The following MAGI2 variants were observed in gnomAD, a reference collection of about 807,000 sequenced individuals.
The protein encoded by MAGI2 is membrane-associated guanylate kinase, WW and PDZ domain-containing protein 2.
Under a neutral mutation model 133.3 loss-of-function variants are expected in MAGI2, and 35 were observed. The ratio of observed to expected loss-of-function variants is 0.26; its 90% CI spans 0.20 to 0.35. The LOEUF (loss-of-function observed/expected upper bound fraction) is 0.35, where lower values mean the gene tolerates loss of function less well. MAGI2 is among the 10% of genes least tolerant of loss of function. The pLI, the probability that MAGI2 is intolerant of heterozygous loss-of-function variation, is 1.00. For missense variants in MAGI2, 1,636 were observed against 1,863.4 expected, an observed-to-expected ratio of 0.88 and a Z score of 2.25; for synonymous variants, 729 against 710.6, an observed-to-expected ratio of 1.03 and a Z score of -0.41.
At chr7:78,684,766 A>G (rs978319306) in intron 2 of MAGI2, among the ~76,000 whole-genome samples, 6 of 152,136 alleles carry the variant, frequency 3.9e-5, no homozygotes, top group African/African-American at 1.4e-4. Context: ...TAAAACTTTA[A>G]AGATGTAGCT....
intron 6 of MAGI2, among the ~76,000 whole-genome samples, chr7:78,402,674 C>T (rs900202682): frequency 6.6e-6 from 1 of 152,176 alleles, no homozygotes; most frequent in Non-Finnish European, 1.5e-5. Flanking sequence ...TCTAAAAACA[C>T]AGATTAAACT....
At chr7:78,544,318 G>T (rs1204709617) in intron 3 of MAGI2, among the ~76,000 whole-genome samples, 1 of 152,234 alleles carries the variant, frequency 6.6e-6, no homozygotes, top group African/African-American at 2.4e-5. Context: ...AAGGTGGATA[G>T]TTCTAGACAG....
intron 11 of MAGI2, among the ~76,000 whole-genome samples, chr7:78,197,325 C>T (rs1479581842): frequency 6.6e-6 from 1 of 152,164 alleles, no homozygotes; most frequent in Non-Finnish European, 1.5e-5. Context: ...ATATAAGATA[C>T]TAAATACTAA....
At chr7:78,599,134 C>A (rs951148567) in intron 3 of MAGI2, among the ~76,000 whole-genome samples, 2 of 152,158 alleles carry the variant, frequency 1.3e-5, no homozygotes, top group African/African-American at 4.8e-5. Flanking sequence ...CCACTAAAAT[C>A]TGTTCAAGTA....
At chr7:78,333,935 T>C (rs537563730) in intron 9 of MAGI2, among the ~76,000 whole-genome samples, 1 of 152,262 alleles carries the variant, frequency 6.6e-6, no homozygotes, top group African/African-American at 2.4e-5. Flanking sequence ...TAGGCAGCAA[T>C]AGAAAACTAA....
At chr7:78,793,896 T>G (rs1787382071) in intron 2 of MAGI2, among the ~76,000 whole-genome samples, 1 of 152,222 alleles carries the variant, frequency 6.6e-6, no homozygotes, top group Non-Finnish European at 1.5e-5. Context: ...ATAGAATCCA[T>G]GAAGATCTCT....
At chr7:79,140,370 CA>C (rs1822007957) in intron 1 of MAGI2, among the ~76,000 whole-genome samples, 2 of 152,108 alleles carry the variant, frequency 1.3e-5, no homozygotes, top group African/African-American at 2.4e-5. Flanking sequence ...TTGAAATTCA[CA>C]AGCTCCTCAA....
chr7:78,505,047 C>G (rs1794964302), intron 4 of MAGI2, among the ~76,000 whole-genome samples: 1 of 152,050 alleles, frequency 6.6e-6, no homozygotes, highest in Admixed American at 6.5e-5. Context: ...CTTTGATTAC[C>G]TCAGGATAGT....
At chr7:78,708,606 A>G (rs548223073) in intron 2 of MAGI2, among the ~76,000 whole-genome samples, 1 of 152,160 alleles carries the variant, frequency 6.6e-6, no homozygotes, top group Non-Finnish European at 1.5e-5. Context: ...TAATGGGAGA[A>G]TATGTTTCAA....
intron 2 of MAGI2, among the ~76,000 whole-genome samples, chr7:78,825,691 C>T (rs1275355196): frequency 1.3e-5 from 2 of 152,138 alleles, no homozygotes; most frequent in South Asian, 2.1e-4. Flanking sequence ...AAGTGAAAGT[C>T]TCCTCTTCTA....
At chr7:78,755,713 T>C (rs1431450961) in intron 2 of MAGI2, among the ~76,000 whole-genome samples, 1 of 152,120 alleles carries the variant, frequency 6.6e-6, no homozygotes, top group Non-Finnish European at 1.5e-5. Flanking sequence ...CTGCCAAAAA[T>C]GTAAGTTCAT....
intron 2 of MAGI2, among the ~76,000 whole-genome samples, chr7:79,005,976 G>A (rs1311490516): frequency 2.0e-5 from 3 of 152,038 alleles, no homozygotes; most frequent in African/African-American, 7.2e-5. Flanking sequence ...TGGTGTCCTG[G>A]CATTGTCGTT....
intron 7 of MAGI2, among the ~76,000 whole-genome samples, chr7:78,366,301 C>T (rs568299785): frequency 2.0e-5 from 3 of 151,932 alleles, no homozygotes; most frequent in Non-Finnish European, 4.4e-5. Flanking sequence ...GGAATCTTAA[C>T]CTAGACAGTT....
chr7:79,304,221 G>GTGTGTGTGTA (rs1459931992), intron 1 of MAGI2, among the ~76,000 whole-genome samples: 2 of 150,386 alleles, frequency 1.3e-5, no homozygotes, highest in Non-Finnish European at 3.0e-5. Context: ...GTGTGTGTGT[G>GTGTGTGTGTA]TGTGTGTGTG....
chr7:78,535,588 GTT>G (rs34678845), intron 3 of MAGI2, among the ~76,000 whole-genome samples: 7 of 149,544 alleles, frequency 4.7e-5, no homozygotes, highest in African/African-American at 7.4e-5. Flanking sequence ...CATCCAAACT[GTT>G]TTTTTTTTTC....
At chr7:78,121,681 G>A (rs1820490307) in intron 20 of MAGI2, among the ~76,000 whole-genome samples, 1 of 152,160 alleles carries the variant, frequency 6.6e-6, no homozygotes, top group Non-Finnish European at 1.5e-5. Flanking sequence ...ATACTTTTGT[G>A]TTACTTAGGT....
At chr7:78,833,908 A>G (rs950978419) in intron 2 of MAGI2, among the ~76,000 whole-genome samples, 3 of 152,168 alleles carry the variant, frequency 2.0e-5, no homozygotes, top group Non-Finnish European at 2.9e-5. Context: ...GTAGTATATA[A>G]TGGTTAGAAT....
chr7:78,450,040 A>C (rs914123379), intron 6 of MAGI2, among the ~76,000 whole-genome samples: 4 of 152,068 alleles, frequency 2.6e-5, no homozygotes, highest in Non-Finnish European at 5.9e-5. Flanking sequence ...CATTCAGGAC[A>C]ATATCCTTTG....
chr7:79,451,513 G>T (rs1849248252), intron 1 of MAGI2, among the ~76,000 whole-genome samples: 1 of 152,098 alleles, frequency 6.6e-6, no homozygotes, highest in Non-Finnish European at 1.5e-5. Context: ...ATAGTATGGA[G>T]CTATGTTGAC....
Sources: allele counts gnomAD v4.1 joint callset (sites outside exome capture counted in the v4.1 genomes callset), GRCh38; gene constraint gnomAD v4.1.1; transcripts MANE v1.5; gene names NCBI Gene and HGNC (gene_info 2026-07-23, HGNC 2026-07-21).